Variants in MAP7D2 observed in about 807,000 individuals in gnomAD.
MAP7D2 encodes the protein MAP7 domain-containing protein 2.
A neutral mutation model predicts 63.5 loss-of-function variants in MAP7D2; 33 were observed. That is an observed-to-expected ratio of 0.52 (90% confidence interval 0.39 to 0.70). The LOEUF (loss-of-function observed/expected upper bound fraction) is 0.70. MAP7D2 is among the 30% of genes least tolerant of loss of function. The pLI, the probability that MAP7D2 is intolerant of heterozygous loss-of-function variation, is 0.00. For synonymous variants in MAP7D2, 224 were observed against 223.7 expected, an observed-to-expected ratio of 1.00 and a Z score of -0.01; for missense variants, 626 against 604.0, an observed-to-expected ratio of 1.04 and a Z score of -0.38.
intron 8 of MAP7D2, among the ~76,000 whole-genome samples, chrX:20,038,399 T>C (rs149516842): frequency 0.069 from 7,757 of 111,650 alleles, 294 homozygotes; most frequent in Middle Eastern, 0.13. Flanking sequence ...TATTCCCCAT[T>C]ATCTTGAAGC....
chrX:20,058,683 T>A (rs1445417667), intron 3 of MAP7D2, among the ~76,000 whole-genome samples: 2 of 112,196 alleles, frequency 1.8e-5, no homozygotes, highest in South Asian at 3.7e-4. Context: ...AGGAGGCCGA[T>A]GAAAACACAG....
At chrX:20,099,346 G>A (rs1306860882) in intron 1 of MAP7D2, among the ~76,000 whole-genome samples, 1 of 110,499 alleles carries the variant, frequency 9.0e-6, no homozygotes, top group Non-Finnish European at 1.9e-5. Context: ...ATGAAGCCTA[G>A]AAACCTTACA....
chrX:20,116,665 G>C (rs1228329550), intron 1 of MAP7D2, 85 bp downstream of exon 1: 3 of 1,051,678 alleles, frequency 2.9e-6, no homozygotes, highest in Non-Finnish European at 2.5e-6. Flanking sequence ...CCCCACGCTC[G>C]AGGACCTTTG....
In MAP7D2 at chrX:20,025,763, T is replaced by G. The variant is rs144662028; in HGVS notation, c.1197A>C (p.Glu399Asp). The change falls in exon 9 of 17, where the codon GAA (glutamate) becomes GAC (aspartate). Residue 399 changes from glutamate (E) to aspartate (D), a missense_variant. Physicochemically the swap from Glu to Asp is conservative, Grantham distance 45. Transcript: ENST00000379643. ...TGTCCACTACATGCTTCTCTAGGGCTTCCTCTCCTTGCGGGCCAGCAGCCT... is the reference window on the plus strand; with the variant it reads ...TGTCCACTACATGCTTCTCTAGGGCGTCCTCTCCTTGCGGGCCAGCAGCCT... The part of the protein sequence containing the change: ...AQQAAGPQGE[E>D]ALEKHVVDKH... 64 of 1,210,019 alleles carry G rather than the reference T, an allele frequency of 5.3e-5. No homozygotes were observed. Among genetic ancestry groups the G allele is most frequent in the Non-Finnish European group, 7.1e-5 (64 of 895,176 alleles).
At chrX:20,040,969 G>C (rs1370885134) in intron 8 of MAP7D2, among the ~76,000 whole-genome samples, 1 of 111,429 alleles carries the variant, frequency 9.0e-6, no homozygotes. Flanking sequence ...CAGTATTTGC[G>C]AAGTGCAAAG....
At chrX:20,010,691 A>G (rs2073167633) in intron 16 of MAP7D2, 86 bp downstream of exon 16, 3 of 834,844 alleles carry the variant, frequency 3.6e-6, no homozygotes, top group Non-Finnish European at 5.1e-6. Flanking sequence ...AAATTTGACC[A>G]TCCAAGAGGC....
intron 1 of MAP7D2, among the ~76,000 whole-genome samples, chrX:20,114,966 C>G (rs934547790): frequency 3.6e-5 from 4 of 111,851 alleles, no homozygotes; most frequent in Non-Finnish European, 7.5e-5. Flanking sequence ...CTTGCTAACT[C>G]CCCCAAACAA....
At chrX:20,027,620 C>T (rs1284008294) in intron 8 of MAP7D2, among the ~76,000 whole-genome samples, 1 of 109,945 alleles carries the variant, frequency 9.1e-6, no homozygotes, top group Admixed American at 9.7e-5. Context: ...CATTGCTAAA[C>T]GTCCCCTTAG....
chrX:20,028,018 G>A (rs1051967844), intron 8 of MAP7D2, among the ~76,000 whole-genome samples: 1 of 111,110 alleles, frequency 9.0e-6, no homozygotes, highest in Non-Finnish European at 1.9e-5. Context: ...TGGCCATTTG[G>A]AGCTCAGACC....
At chrX:20,084,547 C>CCCTCCCTCCCTCCCTT (rs1381049205) in intron 1 of MAP7D2, among the ~76,000 whole-genome samples, 1 of 71,595 alleles carries the variant, frequency 1.4e-5, no homozygotes, top group Non-Finnish European at 2.6e-5. Flanking sequence ...CCTTCCTGTT[C>CCCTCCCTCCCTCCCTT]CCTCCCTCCC....
In MAP7D2 at chrX:20,025,779, C is replaced by A. The variant is rs751944296; in HGVS notation, c.1181G>T (p.Gly394Val). 141 of 1,209,951 alleles carry A rather than the reference C, an allele frequency of 1.2e-4. No homozygotes were observed. In the East Asian group the frequency reaches 4.1e-3, roughly 35 times the overall value. Residue 394 changes from glycine to valine, a missense_variant, in exon 9 of 17, where the codon GGC becomes GTC. Physicochemically the swap from Gly to Val is moderately radical, Grantham distance 109. Coordinates refer to ENST00000379643, the MANE Select transcript of MAP7D2 (RefSeq NM_001168465.2). ...CTCTAGGGCTTCCTCTCCTTGCGGGCCAGCAGCCTGCTGAGCCAAGGTACC... is the reference window on the plus strand; with the variant it reads ...CTCTAGGGCTTCCTCTCCTTGCGGGACAGCAGCCTGCTGAGCCAAGGTACC... ...REGTLAQQAA[G>V]PQGEEALEKH... is the part of the protein sequence containing the mutation.
chrX:20,092,443 T>A (rs1458865082), intron 1 of MAP7D2, among the ~76,000 whole-genome samples: 1 of 111,841 alleles, frequency 8.9e-6, no homozygotes, highest in Non-Finnish European at 1.9e-5. Context: ...TTTATTTTTT[T>A]CTTCCCCTCC....
At position 20,030,315 on chromosome X, in the gene MAP7D2, C is replaced by A. The variant is rs143862314; in HGVS notation, c.1008-4363G>T. On this transcript the variant is annotated intron_variant, in intron 8 of 16. Transcript: ENST00000379643. ...ACAGACAAGAGTACCAGGGCTGGCA[C>A]TCAAGGCATTTGTTCATTGTCTCAC... Among the ~76,000 whole-genome samples the A allele has an allele frequency of 1.6e-3, 175 of 112,052 alleles. 1 individual carries two copies. The highest frequency in any genetic ancestry group is 3.4e-3 in the South Asian group (9 of 2,663).
chrX:20,097,021 T>C (rs933522419), intron 1 of MAP7D2, among the ~76,000 whole-genome samples: 1 of 111,523 alleles, frequency 9.0e-6, no homozygotes. Flanking sequence ...TGAATGAACA[T>C]CTATCTTTCC....
chrX:20,058,040 C>CT (rs2065109464), intron 3 of MAP7D2, among the ~76,000 whole-genome samples: 1 of 112,563 alleles, frequency 8.9e-6, no homozygotes, highest in South Asian at 3.6e-4. Context: ...CTCCAGGGAC[C>CT]TGTAAGCAGA....
chrX:20,026,124 A>G (rs1196018103), intron 8 of MAP7D2, among the ~76,000 whole-genome samples, 172 bp from the exon 9 acceptor site: 1 of 111,282 alleles, frequency 9.0e-6, no homozygotes, highest in African/African-American at 3.3e-5. Context: ...CAACAGGAAT[A>G]TACGGTCTCT....
intron 1 of MAP7D2, among the ~76,000 whole-genome samples, chrX:20,099,201 G>C (rs2066357809): frequency 9.2e-6 from 1 of 108,998 alleles, no homozygotes; most frequent in African/African-American, 3.3e-5. Flanking sequence ...CCTTGTGAGG[G>C]CCAAGGAAGT....
chrX:20,068,808 G>A (rs191075517), intron 1 of MAP7D2, among the ~76,000 whole-genome samples: 2 of 112,061 alleles, frequency 1.8e-5, no homozygotes, highest in African/African-American at 3.2e-5. Context: ...ATTCCCAGGT[G>A]TTGTGGGAGG....
intron 8 of MAP7D2, among the ~76,000 whole-genome samples, chrX:20,037,355 T>C (rs1048369524): frequency 5.4e-5 from 6 of 111,529 alleles, no homozygotes; most frequent in Non-Finnish European, 9.4e-5. Context: ...GCAAATTACA[T>C]GAGGAAGTGG....
Sources: allele counts gnomAD v4.1 joint callset (sites outside exome capture counted in the v4.1 genomes callset), GRCh38; gene constraint gnomAD v4.1.1; transcripts MANE v1.5; gene names NCBI Gene and HGNC (gene_info 2026-07-23, HGNC 2026-07-21).